TPP2: variants seen among roughly 807,000 people sequenced by gnomAD.
TPP2 encodes tripeptidyl-peptidase 2.
TPP2 carries 34 observed loss-of-function variants against 155.9 expected under a neutral mutation model. The observed-to-expected ratio is 0.22, with a 90% CI of 0.17 to 0.29. The LOEUF is 0.29. TPP2 is among the 10% of genes least tolerant of loss of function. The pLI, the probability that TPP2 is intolerant of heterozygous loss-of-function variation, is 1.00. For missense variants in TPP2, 1,028 were observed against 1,522.3 expected (o/e 0.68, Z 5.40); for synonymous variants, 510 against 529.4 (o/e 0.96, Z 0.50).
chr13:102,654,803 A>G (rs781448779), intron 24 of TPP2: 46 of 375,720 alleles, frequency 1.2e-4, no homozygotes, highest in Admixed American at 1.9e-4. Context: ...TCTTTGCTGT[A>G]CAGATGACAC....
At position 102,648,911 on chromosome 13, in the gene TPP2, C is replaced by T; in HGVS notation, c.2633C>T (p.Ser878Phe). ...AATGTTGTTTTTCTTTTTCAGTATT[C>T]TTTGAAACTGGAGAAAGGAGATTAT... The part of the protein sequence containing the change: ...GSGDAYPHQY[S>F]LKLEKGDYTI... Residue 878 changes from serine to phenylalanine, a missense_variant, in exon 22 of 30, where the codon TCT (serine) becomes TTT (phenylalanine). Ser to Phe is a radical substitution (Grantham distance 155). Around this residue, in one of 7 missense-constraint regions of TPP2, gnomAD observed 179 missense variants for 274.7 expected, o/e 0.65. Transcript: ENST00000376052. 1 of 1,581,184 alleles carries T rather than the reference C, an allele frequency of 6.3e-7. No individual in the cohort carries two copies. The highest frequency in any genetic ancestry group is 2.0e-5 in the Admixed American group (1 of 50,676).
intron 15 of TPP2, among the ~76,000 whole-genome samples, chr13:102,638,974 G>A (rs16960277): frequency 1.3e-5 from 2 of 152,094 alleles, no homozygotes; most frequent in Non-Finnish European, 2.9e-5. Context: ...TTTGGCACTT[G>A]AGGATTCTCA....
chr13:102,667,268 T>G (rs2139600558), intron 27 of TPP2, among the ~76,000 whole-genome samples: 2 of 152,316 alleles, frequency 1.3e-5, no homozygotes, highest in South Asian at 4.1e-4. Context: ...CTGCACTTAT[T>G]TAGGCATTAA....
At chr13:102,611,824 TTC>T (rs1228532059) in intron 2 of TPP2, among the ~76,000 whole-genome samples, 1 of 152,194 alleles carries the variant, frequency 6.6e-6, no homozygotes, top group Non-Finnish European at 1.5e-5. Flanking sequence ...GTTTGAAGAG[TTC>T]TGTTTCCTTT....
intron 1 of TPP2, among the ~76,000 whole-genome samples, chr13:102,603,623 G>A (rs1879596474): frequency 1.3e-5 from 2 of 152,162 alleles, no homozygotes; most frequent in South Asian, 4.1e-4. Context: ...GGGTGGCAGG[G>A]GTCAGATGGT....
chr13:102,633,061 G>T (rs555275853), intron 10 of TPP2, among the ~76,000 whole-genome samples: 1 of 152,240 alleles, frequency 6.6e-6, no homozygotes, highest in Non-Finnish European at 1.5e-5. Context: ...AGTTCACTCA[G>T]TTGGGAGATG....
intron 27 of TPP2, among the ~76,000 whole-genome samples, chr13:102,672,126 G>A (rs1341584215): frequency 6.6e-6 from 1 of 152,200 alleles, no homozygotes; most frequent in African/African-American, 2.4e-5. Flanking sequence ...CTATGGCCGA[G>A]TGACAGATGA....
chr13:102,652,393 C>CATATATAT, intron 24 of TPP2, among the ~76,000 whole-genome samples: 1 of 51,258 alleles, frequency 2.0e-5, no homozygotes, highest in Admixed American at 2.3e-4. Context: ...ACAAAACATA[C>CATATATAT]ATACATATAT....
intron 2 of TPP2, among the ~76,000 whole-genome samples, chr13:102,606,726 C>G (rs1468706043): frequency 6.6e-6 from 1 of 152,198 alleles, no homozygotes; most frequent in East Asian, 1.9e-4. Context: ...AGTGACATCT[C>G]ATTATATTCA....
At chr13:102,638,171 T>A in intron 14 of TPP2, 68 bp from the exon 15 acceptor site, 1 of 1,432,772 alleles carries the variant, frequency 7.0e-7, no homozygotes, top group South Asian at 1.1e-5. Flanking sequence ...TGTCAGTAGT[T>A]TAGACCTTCC....
chr13:102,626,674 G>A (rs754563948), intron 6 of TPP2, among the ~76,000 whole-genome samples: 3 of 152,078 alleles, frequency 2.0e-5, no homozygotes, highest in East Asian at 1.9e-4. Context: ...CTTAATTTGC[G>A]TTTCCTAGAT....
intron 16 of TPP2, among the ~76,000 whole-genome samples, chr13:102,642,227 G>T (rs1282662018): frequency 2.0e-5 from 3 of 152,144 alleles, no homozygotes; most frequent in African/African-American, 7.2e-5. Context: ...TCTAGAGGGT[G>T]GAGTCAGAGT....
chr13:102,623,078 A>C (rs756133218), intron 6 of TPP2, 38 bp downstream of exon 6: 2 of 1,587,520 alleles, frequency 1.3e-6, no homozygotes, highest in Non-Finnish European at 1.7e-6. Flanking sequence ...ATATAGATTT[A>C]TGAGGTGATA....
chr13:102,630,609 T>C (rs1219481010), intron 10 of TPP2, among the ~76,000 whole-genome samples: 1 of 152,210 alleles, frequency 6.6e-6, no homozygotes, highest in East Asian at 1.9e-4. Context: ...CTCATGTCTT[T>C]GAAGTTATAA....
intron 27 of TPP2, among the ~76,000 whole-genome samples, chr13:102,670,955 AGCTG>A (rs2139611243): frequency 1.3e-5 from 2 of 152,324 alleles, no homozygotes; most frequent in East Asian, 3.9e-4. Flanking sequence ...GCTCCGTTGG[AGCTG>A]CTAGTAAAAT....
intron 2 of TPP2, among the ~76,000 whole-genome samples, chr13:102,605,484 A>C (rs1156521971): frequency 6.6e-6 from 1 of 152,176 alleles, no homozygotes; most frequent in East Asian, 1.9e-4. Context: ...TCTTAGAAGA[A>C]GCCATTATTT....
intron 2 of TPP2, among the ~76,000 whole-genome samples, chr13:102,610,682 T>TTCC (rs1457813349): frequency 6.6e-6 from 1 of 152,234 alleles, no homozygotes; most frequent in Non-Finnish European, 1.5e-5. Flanking sequence ...AAGGATGATA[T>TTCC]TCCTAGGCTT....
At chr13:102,664,397 C>A (rs1050729548) in intron 26 of TPP2, among the ~76,000 whole-genome samples, 2 of 151,246 alleles carry the variant, frequency 1.3e-5, no homozygotes, top group African/African-American at 4.9e-5. Context: ...CTAGGGCTTT[C>A]TTTTTTTTTC....
In TPP2 at chr13:102,674,390, C is replaced by G. The variant is rs748980441; in HGVS notation, c.3479C>G (p.Thr1160Ser). Residue 1160 changes from threonine to serine, a missense_variant, in exon 28 of 30, where the codon ACT becomes AGT. By Grantham distance (58) the Thr-to-Ser change is moderately conservative. This residue lies in a region of TPP2 where 116 missense variants were observed against 117.3 expected (regional missense o/e 0.99). Transcript: ENST00000376052. Reference protein sequence around the residue: ...HTQAQDGAISTDAEGKEEEGE... With the variant: ...HTQAQDGAISSDAEGKEEEGE... Reference sequence around the variant, plus strand: ...CAGGCTCAAGACGGAGCCATTTCCACTGATGCAGAAGGAAAGGAGGAGGAA... The same window carrying G: ...CAGGCTCAAGACGGAGCCATTTCCAGTGATGCAGAAGGAAAGGAGGAGGAA... 3 of 1,613,886 alleles carry G rather than the reference C, an allele frequency of 1.9e-6. No individual in the cohort carries two copies. The highest frequency in any genetic ancestry group is 2.2e-5 in the East Asian group (1 of 44,890).
Sources: gnomAD v4.1 joint callset for allele counts (sites outside exome capture counted in the v4.1 genomes callset) on GRCh38, gnomAD v4.1.1 for gene constraint, gnomAD v4.1.1 regional missense constraint, MANE v1.5 for transcripts, NCBI Gene and HGNC (gene_info 2026-07-23, HGNC 2026-07-21) for gene names.